NRCAM: variants seen among roughly 807,000 people sequenced by gnomAD.
NRCAM encodes NgCAM-related cell adhesion molecule.
In NRCAM, 83 loss-of-function variants were observed where a neutral mutation model predicts 156.5. That is an observed-to-expected ratio of 0.53 (90% CI 0.44 to 0.64). The LOEUF (loss-of-function observed/expected upper bound fraction) is 0.64, where lower values mean the gene tolerates loss of function less well. NRCAM is among the 30% of genes least tolerant of loss of function. The pLI is 0.00. For synonymous variants in NRCAM, 538 were observed against 563.9 expected, an observed-to-expected ratio of 0.95 and a Z score of 0.65; for missense variants, 1,417 against 1,597.3, an observed-to-expected ratio of 0.89 and a Z score of 1.92.
At chr7:108,173,777 T>C (rs1311740191) in intron 28 of NRCAM, among the ~76,000 whole-genome samples, 1 of 152,190 alleles carries the variant, frequency 6.6e-6, no homozygotes, top group Admixed American at 6.5e-5. Context: ...TCTCTAATCA[T>C]AAGTAGCTCA....
chr7:108,190,819 C>A (rs1278280052), intron 19 of NRCAM, among the ~76,000 whole-genome samples: 2 of 152,266 alleles, frequency 1.3e-5, no homozygotes, highest in South Asian at 2.1e-4. Flanking sequence ...TCCCCATATA[C>A]ATTTCTTGAA....
intron 2 of NRCAM, among the ~76,000 whole-genome samples, chr7:108,381,441 A>T (rs2099700470): frequency 1.3e-5 from 2 of 152,190 alleles, no homozygotes; most frequent in Admixed American, 1.3e-4. Flanking sequence ...TGATCCAAAA[A>T]GGGCCTTCAC....
At chr7:108,383,923 G>A (rs1205549321) in intron 2 of NRCAM, among the ~76,000 whole-genome samples, 1 of 152,128 alleles carries the variant, frequency 6.6e-6, no homozygotes, top group Admixed American at 6.5e-5. Context: ...AAGACTCAGG[G>A]CTTTGAAGTG....
intron 1 of NRCAM, among the ~76,000 whole-genome samples, chr7:108,406,721 TAATAG>T (rs1283499868): frequency 7.2e-5 from 11 of 152,330 alleles, no homozygotes; most frequent in African/African-American, 2.4e-4. Context: ...AACTTGAGTT[TAATAG>T]AATAAACAAA....
intron 3 of NRCAM, among the ~76,000 whole-genome samples, chr7:108,276,223 G>A (rs970101255): frequency 2.6e-5 from 4 of 152,180 alleles, no homozygotes; most frequent in African/African-American, 9.7e-5. Context: ...ATTTGGGGTG[G>A]AGAGTTCTGT....
chr7:108,225,069 T>C (rs2093207440), intron 10 of NRCAM, among the ~76,000 whole-genome samples: 1 of 152,208 alleles, frequency 6.6e-6, no homozygotes, highest in Admixed American at 6.5e-5. Context: ...TTCATTTCTA[T>C]CTAAAATAAT....
chr7:108,372,954 C>A (rs1405613180), intron 2 of NRCAM, among the ~76,000 whole-genome samples: 1 of 152,028 alleles, frequency 6.6e-6, no homozygotes, highest in African/African-American at 2.4e-5. Flanking sequence ...GATCTAAATG[C>A]CCATCAACAG....
intron 2 of NRCAM, among the ~76,000 whole-genome samples, chr7:108,389,239 C>T (rs1347627257): frequency 2.6e-5 from 4 of 152,186 alleles, no homozygotes; most frequent in Admixed American, 2.0e-4. Context: ...TTTCGTTGAG[C>T]AGTCGTTTGT....
At chr7:108,303,942 T>C (rs1247147576) in intron 3 of NRCAM, among the ~76,000 whole-genome samples, 1 of 152,230 alleles carries the variant, frequency 6.6e-6, no homozygotes, top group Non-Finnish European at 1.5e-5. Flanking sequence ...GCAATTACTG[T>C]GCTGTATACA....
At chr7:108,161,642 T>C (rs1372344329) in intron 30 of NRCAM, among the ~76,000 whole-genome samples, 1 of 152,214 alleles carries the variant, frequency 6.6e-6, no homozygotes, top group Non-Finnish European at 1.5e-5. Flanking sequence ...GTGTGATCTC[T>C]GGATGCAGAA....
Position 108,207,600 on chromosome 7 carries a change from T to A in NRCAM, c.1135A>T (p.Thr379Ser). ...TTGCCATTAGCTCTGCAGATCAAGG[T>A]CCCATCCTCTCCTGGGGACAGCACA... Reference protein sequence around the residue: ...NLVLSPGEDGTLICRANGNPK... With the variant: ...NLVLSPGEDGSLICRANGNPK... Residue 379 changes from threonine (T) to serine (S), a missense_variant, in exon 13 of 33, where the codon ACC becomes TCC. Thr to Ser is a moderately conservative substitution (Grantham distance 58). Around this residue, in one of 2 missense-constraint regions of NRCAM, gnomAD observed 1,238 missense variants for 1,336.4 expected, o/e 0.93. Transcript: ENST00000379028. 6.2e-7 allele frequency: 1 copy of A among 1,613,784 alleles called. No homozygotes were observed. The highest frequency in any genetic ancestry group is 1.1e-5 in the South Asian group (1 of 91,078).
intron 1 of NRCAM, among the ~76,000 whole-genome samples, chr7:108,406,049 A>C (rs768799384): frequency 6.6e-6 from 1 of 151,936 alleles, no homozygotes; most frequent in Non-Finnish European, 1.5e-5. Flanking sequence ...CAGAAGTGGA[A>C]GGAGAAATGC....
chr7:108,250,693 T>C (rs2153895233), intron 3 of NRCAM, among the ~76,000 whole-genome samples: 1 of 151,918 alleles, frequency 6.6e-6, no homozygotes, highest in East Asian at 1.9e-4. Flanking sequence ...TAGTATTTGA[T>C]AGCAGAACAG....
chr7:108,430,829 G>A (rs980986669), intron 1 of NRCAM, among the ~76,000 whole-genome samples: 1 of 152,022 alleles, frequency 6.6e-6, no homozygotes, highest in African/African-American at 2.4e-5. Flanking sequence ...ACTTTCCTAG[G>A]AAGAGGTAGC....
intron 2 of NRCAM, among the ~76,000 whole-genome samples, chr7:108,325,413 C>A (rs1343773146): frequency 6.6e-6 from 1 of 152,078 alleles, no homozygotes; most frequent in Non-Finnish European, 1.5e-5. Flanking sequence ...TAGGAAAAAA[C>A]CTACCTTTTG....
intron 13 of NRCAM, among the ~76,000 whole-genome samples, chr7:108,200,949 C>A (rs546247595): frequency 3.3e-5 from 5 of 152,026 alleles, no homozygotes; most frequent in Non-Finnish European, 7.4e-5. Flanking sequence ...GACACAAAGG[C>A]ATAAGAATGA....
At chr7:108,281,615 T>C (rs1198226963) in intron 3 of NRCAM, among the ~76,000 whole-genome samples, 1 of 152,200 alleles carries the variant, frequency 6.6e-6, no homozygotes, top group Non-Finnish European at 1.5e-5. Context: ...GGAGGGGTTA[T>C]ACACTTGGAC....
chr7:108,344,599 T>C (rs1479320133), intron 2 of NRCAM, among the ~76,000 whole-genome samples: 2 of 152,182 alleles, frequency 1.3e-5, no homozygotes, highest in Non-Finnish European at 2.9e-5. Flanking sequence ...CGTACTACTC[T>C]CCCAAAGTGA....
chr7:108,313,033 T>A (rs530572096), intron 2 of NRCAM, among the ~76,000 whole-genome samples: 2 of 152,196 alleles, frequency 1.3e-5, no homozygotes, highest in Non-Finnish European at 2.9e-5. Context: ...TTGTAATGTA[T>A]CTATACAGTG....
Sources: allele counts gnomAD v4.1 joint callset (sites outside exome capture counted in the v4.1 genomes callset), GRCh38; gene constraint gnomAD v4.1.1; regional missense constraint gnomAD v4.1.1; transcripts MANE v1.5; gene names NCBI Gene and HGNC (gene_info 2026-07-23, HGNC 2026-07-21).